SLC6A3: variants seen among roughly 807,000 people sequenced by gnomAD.
The protein encoded by SLC6A3 is solute carrier family 6 member 3.
SLC6A3 carries 19 observed loss-of-function variants against 70.4 expected under a neutral mutation model. That is an observed-to-expected ratio of 0.27 (90% CI 0.19 to 0.40). SLC6A3 has a LOEUF of 0.40. Among genes scored for constraint, SLC6A3 ranks in the 10% least tolerant of loss-of-function variants. The probability of loss-of-function intolerance (pLI) is 1.00; values close to 1 mark genes in which losing one functional copy is unlikely to be tolerated. For missense variants in SLC6A3, 613 were observed against 838.5 expected, an observed-to-expected ratio of 0.73 and a Z score of 3.32; for synonymous variants, 368 against 356.6, an observed-to-expected ratio of 1.03 and a Z score of -0.36.
In SLC6A3 at chr5:1,444,415, G is replaced by A. The variant is rs555973914; in HGVS notation, c.-46+933C>T. ...ACACATACACACTCACACACACACA[G>A]GCGAGCACATACACTTACACACATA... On this transcript the variant is annotated intron_variant, in intron 1 of 14. Coordinates refer to ENST00000270349, the MANE Select transcript of SLC6A3 (RefSeq NM_001044.5). 8.0e-4 allele frequency among the ~76,000 whole-genome samples: 121 copies of A among 151,846 alleles called. 2 individuals carry two copies. The South Asian group carries it at 0.024, about 30-fold the overall frequency.
In SLC6A3 at chr5:1,400,999, G is replaced by T; in HGVS notation, c.1768-13C>A. The T allele has an allele frequency of 3.2e-6, 5 of 1,585,638 alleles. No individual in the cohort carries two copies. Among genetic ancestry groups the T allele is most frequent in the Non-Finnish European group, 4.3e-6 (5 of 1,162,578 alleles). Reference sequence around the variant, plus strand: ...CGTAGGCCAGTTTCTGAAAGAGAAAGAGAGTGCAGGGGTCAGTGCAGACCA... The same window carrying T: ...CGTAGGCCAGTTTCTGAAAGAGAAATAGAGTGCAGGGGTCAGTGCAGACCA... On this transcript the variant is annotated splice_polypyrimidine_tract_variant and intron_variant, in intron 13 of 14. Transcript: ENST00000270349.
Position 1,421,180 on chromosome 5 carries a change from T to TTG in SLC6A3, c.793-478_793-477insCA, listed in dbSNP as rs200062353. On this transcript the variant is annotated intron_variant, in intron 5 of 14. Coordinates refer to ENST00000270349, the MANE Select transcript of SLC6A3 (RefSeq NM_001044.5). The surrounding 1 kb of genome is among the most constrained non-coding windows in gnomAD (Gnocchi z 7.2). Reference sequence around the variant, plus strand: ...TTTTGGCCCATATAACAACCAAAGTTTTTTTTTTTTTTTTGAGATGGAGTT... The same window carrying TTG: ...TTTTGGCCCATATAACAACCAAAGTTTGTTTTTTTTTTTTTTGAGATGGAGTT... Among the ~76,000 whole-genome samples, 1 of 95,270 alleles carries TTG rather than the reference T, an allele frequency of 1.0e-5. No homozygotes were observed. Among genetic ancestry groups the TTG allele is most frequent in the African/African-American group, 3.3e-5 (1 of 29,998 alleles). The allele number at this position is 95,270 out of a possible 152,430, so 62.5% of individuals were successfully genotyped here.
At chr5:1,400,076 A>G (rs1232369494) in intron 14 of SLC6A3, among the ~76,000 whole-genome samples, 1 of 152,138 alleles carries the variant, frequency 6.6e-6, no homozygotes, top group East Asian at 1.9e-4. Context: ...CCTCCACACT[A>G]TGGCCTTCTC....
intron 6 of SLC6A3, among the ~76,000 whole-genome samples, chr5:1,419,692 C>T (rs1756389823): frequency 6.6e-6 from 1 of 152,166 alleles, no homozygotes; most frequent in South Asian, 2.1e-4. Flanking sequence ...TGGTTGTCCT[C>T]CTCTCTCTTC....
chr5:1,428,515 A>G lies in SLC6A3; in HGVS notation c.653+3949T>C, dbSNP rs370704780. Among the ~76,000 whole-genome samples the G allele has an allele frequency of 1.3e-3, 205 of 152,342 alleles. 8 individuals carry two copies. In the South Asian group the frequency reaches 0.04, roughly 30 times the overall value. On this transcript the variant is annotated intron_variant, in intron 4 of 14. Transcript: ENST00000270349. ...CATATCAAATGTGTGGGATGCAGCC[A>G]ATCAATAATCTCCAGGTTCCTACAA...
rs562938948 is a variant in SLC6A3 at position 1,409,924 on chromosome 5, C to T, written c.1270-75G>A. 1.5e-5 allele frequency: 24 copies of T among 1,587,208 alleles called. No individual in the cohort carries two copies. In the East Asian group the frequency reaches 5.1e-4, roughly 34 times the overall value. On this transcript the variant is annotated intron_variant, in intron 9 of 14. Coordinates refer to ENST00000270349, the MANE Select transcript of SLC6A3 (RefSeq NM_001044.5). ...GCAGCCTGGGCCAAGACCTACTTGT[C>T]ACCCAGTGGACGCACACCCGGGGAT...
chr5:1,444,424 ATACACT>A (rs1169159225), intron 1 of SLC6A3, among the ~76,000 whole-genome samples: 1 of 152,078 alleles, frequency 6.6e-6, no homozygotes, highest in Admixed American at 6.5e-5. Context: ...AGGCGAGCAC[ATACACT>A]TACACACATA....
chr5:1,401,541 C>T lies in SLC6A3; in HGVS notation c.1768-555G>A, dbSNP rs554534671. On this transcript the variant is annotated intron_variant, in intron 13 of 14. Transcript: ENST00000270349. This position sits in a 1 kb window ranked among gnomAD's most constrained non-coding sequence, Gnocchi z 6.1. The stretch of plus-strand genomic sequence containing the variant: ...CAGCATCTTCAGGAGCTCACCCTCT[C>T]GGGCCTGGATGCCTGTATCTGGATC... 2.0e-5 allele frequency among the ~76,000 whole-genome samples: 3 copies of T among 152,316 alleles called. No homozygotes were observed. Among genetic ancestry groups the T allele is most frequent in the Non-Finnish European group, 2.9e-5 (2 of 68,020 alleles).
At chr5:1,444,663 C>T (rs978926423) in intron 1 of SLC6A3, among the ~76,000 whole-genome samples, 1 of 152,218 alleles carries the variant, frequency 6.6e-6, no homozygotes, top group East Asian at 1.9e-4. Flanking sequence ...CAGGAGGCCG[C>T]GTTGGGAGAG....
rs1755633761 is a variant in SLC6A3, at chr5:1,393,626, G to A, written c.*1109C>T. 6.8e-6 allele frequency: 1 copy of A among 146,056 alleles called. No individual in the cohort carries two copies. The highest frequency in any genetic ancestry group is 2.0e-4 in the East Asian group (1 of 5,072). The allele number at this position is 146,056 out of a possible 1,614,324, so 9.0% of individuals were successfully genotyped here. On this transcript the variant is annotated 3_prime_UTR_variant, in exon 15 of 15. Transcript: ENST00000270349. Reference sequence around the variant, plus strand: ...CTGGGGTAGTACACGCTCCTGTGGGGGCCCTGCATGCATCCTGGGGTAGTA... The same window carrying A: ...CTGGGGTAGTACACGCTCCTGTGGGAGCCCTGCATGCATCCTGGGGTAGTA...
At chr5:1,433,817 C>G (rs552867542) in intron 3 of SLC6A3, among the ~76,000 whole-genome samples, 2 of 152,182 alleles carry the variant, frequency 1.3e-5, no homozygotes, top group East Asian at 3.9e-4. Context: ...CCATCCACAC[C>G]CAACCACAAC....
intron 11 of SLC6A3, among the ~76,000 whole-genome samples, chr5:1,407,749 T>C (rs536545563): frequency 1.3e-5 from 2 of 152,338 alleles, no homozygotes; most frequent in South Asian, 4.1e-4. Context: ...ATAGACAAAG[T>C]ATTGATTCCA....
In SLC6A3 at chr5:1,397,606, T is replaced by TG. The variant is rs1467038972; in HGVS notation, c.1840-2849dup. On this transcript the variant is annotated intron_variant, in intron 14 of 14. Transcript: ENST00000270349. The surrounding 1 kb of genome is among the most constrained non-coding windows in gnomAD (Gnocchi z 4.7). ...TCTCAGCACAGCCACGGAACACTGCTGCCTCCAAAACGCAGAGATAGTCCC... is the reference window on the plus strand; with the variant it reads ...TCTCAGCACAGCCACGGAACACTGCTGGCCTCCAAAACGCAGAGATAGTCCC... Among the ~76,000 whole-genome samples, 1 of 152,166 alleles carries TG rather than the reference T, an allele frequency of 6.6e-6. No homozygotes were observed. The highest frequency in any genetic ancestry group is 1.9e-4 in the East Asian group (1 of 5,196).
rs1267572132 is a variant in SLC6A3 at position 1,405,659 on chromosome 5, C to T, written c.1599+529G>A. Among the ~76,000 whole-genome samples the T allele has an allele frequency of 6.6e-6, 1 of 152,200 alleles. No individual in the cohort carries two copies. Among genetic ancestry groups the T allele is most frequent in the Non-Finnish European group, 1.5e-5 (1 of 68,022 alleles). On this transcript the variant is annotated intron_variant, in intron 12 of 14. Coordinates refer to ENST00000270349, the MANE Select transcript of SLC6A3 (RefSeq NM_001044.5). This position sits in a 1 kb window ranked among gnomAD's most constrained non-coding sequence, Gnocchi z 5.3. ...ACAAAACTCTATTTACAAACACCAG[C>T]GTCCGACGGCCTTGCCCGGTGGGCC...
Position 1,406,142 on chromosome 5 carries a change from G to T in SLC6A3, c.1599+46C>A, listed in dbSNP as rs1472303633. 2 of 1,394,100 alleles carry T rather than the reference G, an allele frequency of 1.4e-6. No homozygotes were observed. The highest frequency in any genetic ancestry group is 2.0e-6 in the Non-Finnish European group (2 of 980,110). 86.4% of individuals were successfully genotyped at this position (1,394,100 alleles called of 1,614,324 possible). A position where few individuals can be genotyped will look rare whatever the true frequency, so the allele number is the denominator to read the frequency against. The stretch of plus-strand genomic sequence containing the variant: ...ACCTCGGGGCAGGTGCCAGAGTGGG[G>T]GCAGTGGGCAGACGGGGGAAGGGCA... On this transcript the variant is annotated intron_variant, in intron 12 of 14. Transcript: ENST00000270349. The surrounding 1 kb of genome is among the most constrained non-coding windows in gnomAD (Gnocchi z 8.8).
rs1328684548 is a variant in SLC6A3 at position 1,437,947 on chromosome 5, G to T, written c.418+3412C>A. On this transcript the variant is annotated intron_variant, in intron 3 of 14. Coordinates refer to ENST00000270349, the MANE Select transcript of SLC6A3 (RefSeq NM_001044.5). The surrounding 1 kb of genome is among the most constrained non-coding windows in gnomAD (Gnocchi z 4.8). Reference sequence around the variant, plus strand: ...AACCAGATTTTTAAAAAGGACAAAGGCACATGTATCAGGGTGCCGGGGGTG... The same window carrying T: ...AACCAGATTTTTAAAAAGGACAAAGTCACATGTATCAGGGTGCCGGGGGTG... Among the ~76,000 whole-genome samples, 2 of 152,148 alleles carry T rather than the reference G, an allele frequency of 1.3e-5. No homozygotes were observed. Among genetic ancestry groups the T allele is most frequent in the Non-Finnish European group, 2.9e-5 (2 of 68,030 alleles).
chr5:1,426,028 C>T (rs1756566461), intron 4 of SLC6A3, among the ~76,000 whole-genome samples: 1 of 152,112 alleles, frequency 6.6e-6, no homozygotes, highest in African/African-American at 2.4e-5. Flanking sequence ...TAAGTGTTGT[C>T]AAGGATGTGG....
In SLC6A3 at chr5:1,406,562, G is replaced by A. The variant is rs920177070; in HGVS notation, c.1499-274C>T. Among the ~76,000 whole-genome samples the A allele has an allele frequency of 5.9e-5, 9 of 152,292 alleles. No homozygotes were observed. The highest frequency in any genetic ancestry group is 1.2e-4 in the African/African-American group (5 of 41,568). On this transcript the variant is annotated intron_variant, in intron 11 of 14. Transcript: ENST00000270349. The surrounding 1 kb of genome is among the most constrained non-coding windows in gnomAD (Gnocchi z 8.8). ...CCCCGCGCCCCGGCAACAGCCCCTC[G>A]GGTCCTCCTCCCCATCCCATGGCTC...
chr5:1,432,475 G>C lies in SLC6A3; in HGVS notation c.642C>G (p.Ala214=). Residue 214 remains alanine (A), a synonymous_variant, in exon 4 of 15, where the codon GCC becomes GCG. Coordinates refer to ENST00000270349, the MANE Select transcript of SLC6A3 (RefSeq NM_001044.5). ...CGACTCCCACTTACTCAAAGTACTC[G>C]GCAGCAGGTGTGGTCCCAAAAGTGT... ...LNDTFGTTPA[A]EYFERGVLHL... The C allele has an allele frequency of 6.2e-7, 1 of 1,613,584 alleles. No individual in the cohort carries two copies. The highest frequency in any genetic ancestry group is 2.2e-5 in the East Asian group (1 of 44,882).
Sources: gnomAD v4.1 joint callset for allele counts (sites outside exome capture counted in the v4.1 genomes callset) on GRCh38, gnomAD v4.1.1 for gene constraint, Gnocchi (gnomAD v3.1) non-coding constraint, MANE v1.5 for transcripts, NCBI Gene and HGNC (gene_info 2026-07-23, HGNC 2026-07-21) for gene names.